Variants in FXYD5 observed in about 807,000 individuals in gnomAD.
FXYD5 encodes FXYD domain-containing ion transport regulator 5.
In FXYD5, 21 loss-of-function variants were observed where a neutral mutation model predicts 25.7. The ratio of observed to expected loss-of-function variants is 0.82; its 90% CI spans 0.58 to 1.18. The LOEUF (loss-of-function observed/expected upper bound fraction) is 1.18, where lower values mean the gene tolerates loss of function less well. Among genes scored for constraint, FXYD5 ranks in the 50% most tolerant of loss-of-function variants. The pLI, the probability that FXYD5 is intolerant of heterozygous loss-of-function variation, is 0.00. For synonymous variants in FXYD5, 101 were observed against 90.7 expected (o/e 1.11, Z -0.64); for missense variants, 229 against 227.7 (o/e 1.01, Z -0.04).
At chr19:35,156,648 G>A (rs919456654) in intron 2 of FXYD5, among the ~76,000 whole-genome samples, 33 of 152,200 alleles carry the variant, frequency 2.2e-4, no homozygotes, top group African/African-American at 6.8e-4. Flanking sequence ...CAGGCAGGTG[G>A]GGTGGCTGGG....
intron 8 of FXYD5, among the ~76,000 whole-genome samples, chr19:35,167,228 G>T (rs937694459): frequency 5.9e-5 from 9 of 152,324 alleles, no homozygotes; most frequent in Middle Eastern, 3.4e-3. Context: ...CAATGAGATG[G>T]TGCAGTGCCC....
intron 1 of FXYD5, 95 bp from the exon 2 acceptor site, chr19:35,155,456 C>A: frequency 9.6e-7 from 1 of 1,042,910 alleles, no homozygotes. Context: ...GAGGTTTTTG[C>A]TCAGGGCAGG....
At chr19:35,162,972 A>G (rs2065418894) in intron 5 of FXYD5, among the ~76,000 whole-genome samples, 1 of 152,196 alleles carries the variant, frequency 6.6e-6, no homozygotes, top group South Asian at 2.1e-4. Flanking sequence ...GTATTCAGTC[A>G]TTTGATGCTT....
rs770604373 is a variant in FXYD5 at position 35,166,234 on chromosome 19, C to A, written c.413-17C>A. On this transcript the variant is annotated splice_polypyrimidine_tract_variant and intron_variant, in intron 7 of 8. Coordinates refer to ENST00000392219, the MANE Select transcript of FXYD5 (RefSeq NM_014164.6). ...TGAGGTCCGTCTGACTCTACCCCTT[C>A]ATTTTTCTCTCTGCAGATGAACACA... 3.1e-6 allele frequency: 5 copies of A among 1,611,798 alleles called. No homozygotes were observed. Among genetic ancestry groups the A allele is most frequent in the Non-Finnish European group, 3.4e-6 (4 of 1,177,998 alleles).
intron 4 of FXYD5, 65 bp from the exon 5 acceptor site, chr19:35,160,644 C>A: frequency 1.8e-6 from 2 of 1,129,684 alleles, no homozygotes; most frequent in Non-Finnish European, 2.7e-6. Flanking sequence ...CCGCGCCCGG[C>A]CCCAATTCTC....
chr19:35,167,472 GC>G (rs2065461021), intron 8 of FXYD5, among the ~76,000 whole-genome samples: 1 of 152,170 alleles, frequency 6.6e-6, no homozygotes, highest in East Asian at 1.9e-4. Context: ...CCTGTCTCCT[GC>G]CAATGCTTAA....
At chr19:35,156,064 G>A (rs1454904537) in intron 2 of FXYD5, among the ~76,000 whole-genome samples, 1 of 152,238 alleles carries the variant, frequency 6.6e-6, no homozygotes, top group Non-Finnish European at 1.5e-5. Flanking sequence ...CCACAGGGGG[G>A]TATTGATCGT....
intron 8 of FXYD5, among the ~76,000 whole-genome samples, chr19:35,167,189 G>C (rs1407161269): frequency 6.6e-6 from 1 of 152,204 alleles, no homozygotes. Flanking sequence ...AAGTTTAATA[G>C]AGTGATATCT....
chr19:35,166,029 T>G (rs1393248016), intron 6 of FXYD5, 113 bp from the exon 7 acceptor site: 2 of 914,626 alleles, frequency 2.2e-6, no homozygotes, highest in Non-Finnish European at 3.7e-6. Context: ...GGTGAAGATT[T>G]TGGGTTTTGT....
chr19:35,163,998 T>C (rs2065428559), intron 5 of FXYD5, 158 bp from the exon 6 acceptor site: 1 of 1,487,876 alleles, frequency 6.7e-7, no homozygotes, highest in Non-Finnish European at 9.0e-7. Flanking sequence ...TCATTACTTA[T>C]TGCCTCTAGG....
intron 8 of FXYD5, 176 bp downstream of exon 8, chr19:35,166,501 C>T: frequency 1.1e-5 from 6 of 530,690 alleles, no homozygotes; most frequent in Non-Finnish European, 1.7e-5. Context: ...ATTTATTGAG[C>T]TCTCAATACC....
chr19:35,156,254 C>T (rs1259139813), intron 2 of FXYD5, among the ~76,000 whole-genome samples: 7 of 152,206 alleles, frequency 4.6e-5, no homozygotes, highest in Admixed American at 4.6e-4. Flanking sequence ...CTGCCTGCCC[C>T]CAGAACCCAG....
chr19:35,157,495 GC>G lies in FXYD5; in HGVS notation c.140del (p.Pro47GlnfsTer39). The G allele has an allele frequency of 2.0e-6, 3 of 1,514,872 alleles. No individual in the cohort carries two copies. The highest frequency in any genetic ancestry group is 2.8e-6 in the Non-Finnish European group (3 of 1,090,294). The allele number at this position is 1,514,872 out of a possible 1,614,324, so 93.8% of individuals were successfully genotyped here. On this transcript the variant is annotated frameshift_variant, in exon 3 of 9. Transcript: ENST00000392219. LOFTEE classifies it high-confidence loss of function. ...TIMDIQVPTR[A>X]PDAVYTELQP... ...CATGGACATTCAGGTCCCGACACGA[GC>G]CCCAGGTGAGGAAAGGGACACATCT...
intron 1 of FXYD5, 95 bp downstream of exon 1, chr19:35,154,904 G>A (rs569283784): frequency 1.7e-4 from 27 of 156,256 alleles, no homozygotes; most frequent in African/African-American, 5.6e-4. Context: ...GCTCCTCTCC[G>A]CCCCCCATCC....
rs563262514 is a variant in FXYD5, at chr19:35,166,976, G to A, written c.487+651G>A. On this transcript the variant is annotated intron_variant, in intron 8 of 8. Transcript: ENST00000392219. ...CAAGGGCTGAAAAAGGCTGTGTCAG[G>A]AGGAGATAACTGAGGATTAAATGCC... Among the ~76,000 whole-genome samples the A allele has an allele frequency of 4.6e-5, 7 of 152,328 alleles. No individual in the cohort carries two copies. The South Asian group carries it at 1.0e-3, about 23-fold the overall frequency.
intron 4 of FXYD5, chr19:35,159,521 T>C (rs2065386251): frequency 1.9e-6 from 3 of 1,550,460 alleles, no homozygotes; most frequent in Non-Finnish European, 2.6e-6. Context: ...ACAAGGCGCC[T>C]ATATCACAGC....
intron 8 of FXYD5, 134 bp downstream of exon 8, chr19:35,166,459 A>G (rs185457352): frequency 1.6e-6 from 1 of 618,852 alleles, no homozygotes; most frequent in Non-Finnish European, 2.9e-6. Context: ...CATACAAACC[A>G]CCACAGAATT....
intron 3 of FXYD5, 143 bp downstream of exon 3, chr19:35,157,644 C>T (rs1400548628): frequency 1.4e-5 from 8 of 559,158 alleles, no homozygotes; most frequent in Non-Finnish European, 2.0e-5. Flanking sequence ...ATGGCTTGAT[C>T]TAGGTGCTCA....
chr19:35,163,574 C>T (rs1292213410), intron 5 of FXYD5, among the ~76,000 whole-genome samples: 1 of 151,998 alleles, frequency 6.6e-6, no homozygotes. Flanking sequence ...CTCCACCTCC[C>T]GAGTTCAGGC....
Sources: gnomAD v4.1 joint callset for allele counts (sites outside exome capture counted in the v4.1 genomes callset) on GRCh38, gnomAD v4.1.1 for gene constraint, MANE v1.5 for transcripts, NCBI Gene and HGNC (gene_info 2026-07-23, HGNC 2026-07-21) for gene names.